The following NSA2 variants were observed in gnomAD, a reference collection of about 807,000 sequenced individuals.
NSA2 encodes ribosome biogenesis protein NSA2 homolog.
In NSA2, 18 loss-of-function variants were observed where a neutral mutation model predicts 34.8. That is an observed-to-expected ratio of 0.52 (90% CI 0.36 to 0.77). The LOEUF (loss-of-function observed/expected upper bound fraction) is 0.77, where lower values mean the gene tolerates loss of function less well. NSA2 is among the 30% of genes least tolerant of loss of function. NSA2 has a pLI of 0.00. For synonymous variants in NSA2, 79 were observed against 100.2 expected, an observed-to-expected ratio of 0.79 and a Z score of 1.26; for missense variants, 188 against 314.7, an observed-to-expected ratio of 0.60 and a Z score of 3.05.
chr5:74,770,546 T>G, intron 3 of NSA2, 85 bp from the exon 4 acceptor site: 1 of 1,111,480 alleles, frequency 9.0e-7, no homozygotes, highest in South Asian at 1.8e-5. Flanking sequence ...AATAGATCTA[T>G]TACTTTGTAC....
Position 74,779,489 on chromosome 5 carries a change from A to G in NSA2, c.*2818A>G, listed in dbSNP as rs1228957271. On this transcript the variant is annotated 3_prime_UTR_variant, in exon 6 of 6. Coordinates refer to ENST00000610426, the MANE Select transcript of NSA2 (RefSeq NM_014886.6). ...ATCTACAAGTGTTTTCAAATCTAAG[A>G]AATGAAACATGTAAAGATTAAGAAT... The G allele has an allele frequency of 6.6e-6, 1 of 152,200 alleles. No individual in the cohort carries two copies. 9.4% of individuals were successfully genotyped at this position (152,200 alleles called of 1,614,324 possible). A position where few individuals can be genotyped will look rare whatever the true frequency, so the allele number is the denominator to read the frequency against.
rs1561274224 is a variant in NSA2 at position 74,769,298 on chromosome 5, C to T, written c.276C>T (p.Asp92=). ...PQGAVPAYLL[D]REGQSRAKVL... ...GAGCAGTACCTGCCTATCTGCTGGA[C>T]AGAGAGGGACAATCTCGAGCTAAAG... is the stretch of plus-strand genomic sequence containing the variant. Residue 92 remains aspartate, a synonymous_variant, in exon 3 of 6, where the codon GAC becomes GAT. Transcript: ENST00000610426. 1.1e-5 allele frequency: 17 copies of T among 1,613,416 alleles called. No homozygotes were observed. The highest frequency in any genetic ancestry group is 1.4e-5 in the Non-Finnish European group (16 of 1,179,710).
In NSA2 at chr5:74,777,136, A is replaced by G. The variant is rs1460205387; in HGVS notation, c.*465A>G. 6.6e-6 allele frequency: 1 copy of G among 152,502 alleles called. No individual in the cohort carries two copies. The highest frequency in any genetic ancestry group is 2.4e-5 in the African/African-American group (1 of 41,464). The allele number at this position is 152,502 out of a possible 1,614,324, so 9.4% of individuals were successfully genotyped here. On this transcript the variant is annotated 3_prime_UTR_variant, in exon 6 of 6. Transcript: ENST00000610426. ...ACTAGAAGTATGTGAGAAGACACTAAAAGTTCAGAAATCTTAGAGAAATCT... is the reference window on the plus strand; with the variant it reads ...ACTAGAAGTATGTGAGAAGACACTAGAAGTTCAGAAATCTTAGAGAAATCT...
At chr5:74,769,531 A>G in intron 3 of NSA2, 167 bp downstream of exon 3, 1 of 521,712 alleles carries the variant, frequency 1.9e-6, no homozygotes, top group African/African-American at 2.0e-5. Context: ...CTTTCTCATC[A>G]TAAGGTTTTA....
At chr5:74,774,411 G>A (rs1235627281) in intron 5 of NSA2, among the ~76,000 whole-genome samples, 2 of 152,144 alleles carry the variant, frequency 1.3e-5, no homozygotes, top group East Asian at 3.9e-4. Context: ...AGACCAGCCT[G>A]GCCAACATGG....
chr5:74,768,623 G>T (rs1441607000), intron 1 of NSA2, among the ~76,000 whole-genome samples: 2 of 152,190 alleles, frequency 1.3e-5, no homozygotes, highest in East Asian at 3.8e-4. Context: ...AATGTGAAAT[G>T]AAGGTGTTAT....
In NSA2 at chr5:74,770,770, C is replaced by A; in HGVS notation, c.482C>A (p.Thr161Lys). Residue 161 changes from threonine (T) to lysine (K), a missense_variant, in exon 4 of 6, where the codon ACA becomes AAA. Coordinates refer to ENST00000610426, the MANE Select transcript of NSA2 (RefSeq NM_014886.6). ...TKVCFVGDGF[T>K]RKPPKYERFI... is the part of the protein sequence containing the mutation. ...GTGTGCTTTGTTGGAGATGGCTTTA[C>A]AAGAAAACCACCTAAATATGAAAGA... 9.9e-6 allele frequency: 16 copies of A among 1,610,978 alleles called. No homozygotes were observed. The highest frequency in any genetic ancestry group is 1.4e-5 in the Non-Finnish European group (16 of 1,178,910).
intron 5 of NSA2, among the ~76,000 whole-genome samples, chr5:74,774,543 G>A (rs1745049134): frequency 6.6e-6 from 1 of 152,136 alleles, no homozygotes; most frequent in Admixed American, 6.5e-5. Context: ...GGCGGAGCTT[G>A]CAGTGAGCTG....
Position 74,776,685 on chromosome 5 carries a change from T to TATA in NSA2, c.*17_*19dup, listed in dbSNP as rs752949774. 1 of 1,380,994 alleles carries TATA rather than the reference T, an allele frequency of 7.2e-7. No homozygotes were observed. The highest frequency in any genetic ancestry group is 1.2e-5 in the South Asian group (1 of 86,178). 85.5% of individuals were successfully genotyped at this position (1,380,994 alleles called of 1,614,324 possible). On this transcript the variant is annotated 3_prime_UTR_variant, in exon 6 of 6. Transcript: ENST00000610426. ...TTACTGGTTTGACAGCAATTTCATA[T>TATA]ATAATTATTGAGGACTACACACCAA...
At chr5:74,776,572 C>T (rs780349162) in intron 5 of NSA2, 32 bp from the exon 6 acceptor site, 10 of 1,139,404 alleles carry the variant, frequency 8.8e-6, no homozygotes, top group Middle Eastern at 2.1e-4. Context: ...AACAACCCTC[C>T]CTTTTCCCTT....
chr5:74,773,207 T>C (rs964607257), intron 4 of NSA2, among the ~76,000 whole-genome samples: 1 of 152,154 alleles, frequency 6.6e-6, no homozygotes, highest in Non-Finnish European at 1.5e-5. Context: ...TGTGAGGTTA[T>C]TGTGTTTAAG....
intron 5 of NSA2, 44 bp downstream of exon 5, chr5:74,774,104 T>C: frequency 7.5e-7 from 1 of 1,329,044 alleles, no homozygotes; most frequent in Non-Finnish European, 1.1e-6. Context: ...TCTGCAGTAC[T>C]AATAGAAATA....
In NSA2 at chr5:74,776,989, G is replaced by T; in HGVS notation, c.*318G>T. The stretch of plus-strand genomic sequence containing the variant: ...GTTCATTGAAAATGCCTTTCAAAAA[G>T]GTTAATACACAATTATGTGTCTGAG... On this transcript the variant is annotated 3_prime_UTR_variant, in exon 6 of 6. Coordinates refer to ENST00000610426, the MANE Select transcript of NSA2 (RefSeq NM_014886.6). 1.0e-5 allele frequency: 2 copies of T among 196,132 alleles called. No homozygotes were observed. Among genetic ancestry groups the T allele is most frequent in the Non-Finnish European group, 2.1e-5 (2 of 96,590 alleles). 12.1% of individuals were successfully genotyped at this position (196,132 alleles called of 1,614,324 possible).
chr5:74,771,998 T>C (rs1744950749), intron 4 of NSA2, among the ~76,000 whole-genome samples: 3 of 152,124 alleles, frequency 2.0e-5, no homozygotes, highest in South Asian at 2.1e-4. Context: ...GTTGAAGATA[T>C]ATTTTTGCAA....
At position 74,774,013 on chromosome 5, in the gene NSA2, A is replaced by G; in HGVS notation, c.668A>G (p.Asn223Ser). The change falls in exon 5 of 6, where the codon AAT (asparagine) becomes AGT (serine). Residue 223 changes from asparagine (N) to serine (S), a missense_variant. Physicochemically the swap from Asn to Ser is conservative, Grantham distance 46 (BLOSUM62 1). Coordinates refer to ENST00000610426, the MANE Select transcript of NSA2 (RefSeq NM_014886.6). The part of the protein sequence containing the change: ...VITKGTVIEV[N>S]VSELGLVTQG... ...ACCAAAGGTACTGTCATTGAAGTAA[A>G]TGTGAGCGAATTGGGCCTTGTGACA... 6.2e-7 allele frequency: 1 copy of G among 1,614,006 alleles called. No individual in the cohort carries two copies. Among genetic ancestry groups the G allele is most frequent in the Non-Finnish European group, 8.5e-7 (1 of 1,179,970 alleles).
At position 74,776,561 on chromosome 5, in the gene NSA2, T is replaced by TAA. The variant is rs1745133096; in HGVS notation, c.716-42_716-41dup. On this transcript the variant is annotated intron_variant, in intron 5 of 5. Coordinates refer to ENST00000610426, the MANE Select transcript of NSA2 (RefSeq NM_014886.6). Reference sequence around the variant, plus strand: ...TTCTTTAAAATTAATTTTTATTAGCTAACAACCCTCCCTTTTCCCTTTTTT... The same window carrying TAA: ...TTCTTTAAAATTAATTTTTATTAGCTAAAACAACCCTCCCTTTTCCCTTTTTT... The TAA allele has an allele frequency of 3.0e-6, 3 of 993,880 alleles. No homozygotes were observed. The East Asian group carries it at 7.1e-5, about 24-fold the overall frequency. The allele number at this position is 993,880 out of a possible 1,614,324, so 61.6% of individuals were successfully genotyped here.
rs965214875 is a variant in NSA2 at position 74,772,282 on chromosome 5, G to A, written c.522+1472G>A. Among the ~76,000 whole-genome samples, 10 of 151,988 alleles carry A rather than the reference G, an allele frequency of 6.6e-5. No individual in the cohort carries two copies. In the East Asian group the frequency reaches 1.2e-3, roughly 18 times the overall value. Reference sequence around the variant, plus strand: ...TGGGACTATAGGTGCCCGCTACCACGCCCGGCTAATTTTTTTGTATTTTTT... The same window carrying A: ...TGGGACTATAGGTGCCCGCTACCACACCCGGCTAATTTTTTTGTATTTTTT... On this transcript the variant is annotated intron_variant, in intron 4 of 5. Coordinates refer to ENST00000610426, the MANE Select transcript of NSA2 (RefSeq NM_014886.6).
In NSA2 at chr5:74,777,433, A is replaced by G. The variant is rs771529088; in HGVS notation, c.*762A>G. The stretch of plus-strand genomic sequence containing the variant: ...AAAAGAAGACTGCACTGATTCCCTG[A>G]GGAGAAATTTATTTGCAGTTACTTA... On this transcript the variant is annotated 3_prime_UTR_variant, in exon 6 of 6. Transcript: ENST00000610426. 1 of 152,172 alleles carries G rather than the reference A, an allele frequency of 6.6e-6. No individual in the cohort carries two copies. The highest frequency in any genetic ancestry group is 1.5e-5 in the Non-Finnish European group (1 of 67,976). The allele number at this position is 152,172 out of a possible 1,614,324, so 9.4% of individuals were successfully genotyped here.
intron 4 of NSA2, among the ~76,000 whole-genome samples, chr5:74,771,040 G>A (rs548675334): frequency 1.5e-4 from 23 of 152,306 alleles, no homozygotes; most frequent in African/African-American, 5.1e-4. Context: ...CACTTTGGGA[G>A]GTTGAGGTGG....
Sources: allele counts gnomAD v4.1 joint callset (sites outside exome capture counted in the v4.1 genomes callset), GRCh38; gene constraint gnomAD v4.1.1; transcripts MANE v1.5; gene names NCBI Gene and HGNC (gene_info 2026-07-23, HGNC 2026-07-21).